SDK1: variants seen among roughly 807,000 people sequenced by gnomAD.
The protein encoded by SDK1 is protein sidekick-1.
Under a neutral mutation model 245.5 loss-of-function variants are expected in SDK1, and 157 were observed. The ratio of observed to expected loss-of-function variants is 0.64; its 90% CI spans 0.56 to 0.73. The LOEUF (loss-of-function observed/expected upper bound fraction) is 0.73, where lower values mean the gene tolerates loss of function less well. SDK1 is among the 30% of genes least tolerant of loss of function. The pLI is 0.00. For missense variants in SDK1, 3,583 were observed against 3,002.3 expected (o/e 1.19, Z -4.52); for synonymous variants, 1,647 against 1,278.5 (o/e 1.29, Z -6.15).
chr7:3,395,912 C>T (rs1781884672), intron 1 of SDK1, among the ~76,000 whole-genome samples: 1 of 151,694 alleles, frequency 6.6e-6, no homozygotes, highest in Admixed American at 6.6e-5. Context: ...TAAAGAACCA[C>T]CTTTTAATTT....
chr7:4,062,370 T>A (rs1779597948), intron 19 of SDK1, among the ~76,000 whole-genome samples: 1 of 151,862 alleles, frequency 6.6e-6, no homozygotes, highest in African/African-American at 2.4e-5. Context: ...GAGAAATGGA[T>A]AAATTCCTGA....
intron 4 of SDK1, among the ~76,000 whole-genome samples, chr7:3,686,552 G>C (rs771413977): frequency 1.4e-4 from 21 of 152,232 alleles, no homozygotes; most frequent in Non-Finnish European, 2.9e-4. Context: ...AAACAGGACA[G>C]TCAATGTGGG....
In SDK1 at chr7:4,020,915, G is replaced by T. The variant is rs140404644; in HGVS notation, c.2602+3563G>T. Reference sequence around the variant, plus strand: ...TGTGAAAAGGCTTTCAAAACAAGGAGACATCACACACATGCCAGCACTGTG... The same window carrying T: ...TGTGAAAAGGCTTTCAAAACAAGGATACATCACACACATGCCAGCACTGTG... On this transcript the variant is annotated intron_variant, in intron 17 of 44. Transcript: ENST00000404826. Among the ~76,000 whole-genome samples, 14 of 152,318 alleles carry T rather than the reference G, an allele frequency of 9.2e-5. No homozygotes were observed. The East Asian group carries it at 2.1e-3, about 23-fold the overall frequency.
intron 22 of SDK1, among the ~76,000 whole-genome samples, chr7:4,089,985 C>T (rs1292771533): frequency 1.3e-5 from 2 of 152,158 alleles, no homozygotes; most frequent in African/African-American, 4.8e-5. Flanking sequence ...CCGGTTATTT[C>T]CCTGATTCCC....
intron 5 of SDK1, among the ~76,000 whole-genome samples, chr7:3,912,776 A>T (rs555804733): frequency 1.3e-5 from 2 of 152,360 alleles, no homozygotes; most frequent in East Asian, 3.9e-4. Context: ...AAGAGGAAGG[A>T]GACCTAAGGG....
At chr7:3,447,200 AGAG>A (rs1372113193) in intron 1 of SDK1, among the ~76,000 whole-genome samples, 1 of 152,210 alleles carries the variant, frequency 6.6e-6, no homozygotes, top group African/African-American at 2.4e-5. Context: ...AACCTATATT[AGAG>A]GAGACAATAT....
intron 20 of SDK1, 129 bp downstream of exon 20, chr7:4,068,065 A>C: frequency 4.5e-6 from 3 of 662,350 alleles, no homozygotes; most frequent in Non-Finnish European, 7.7e-6. Context: ...GGAACTGAAA[A>C]GTCTTCCTGG....
intron 1 of SDK1, among the ~76,000 whole-genome samples, chr7:3,420,893 A>G (rs1168150272): frequency 6.6e-6 from 1 of 152,062 alleles, no homozygotes; most frequent in Non-Finnish European, 1.5e-5. Context: ...ATTTATCCTG[A>G]TGCTCTCTGT....
chr7:3,314,360 T>G (rs1382027497), intron 1 of SDK1, among the ~76,000 whole-genome samples: 2 of 152,194 alleles, frequency 1.3e-5, no homozygotes, highest in African/African-American at 2.4e-5. Context: ...GACCTTTACA[T>G]TCTGAATTAG....
rs573033717 is a variant in SDK1 at position 3,652,764 on chromosome 7, G to A, written c.713+10659G>A. ...AAGTTCTGATGCCACTGTAGAGAAGGCAGCTGATTGGGTTCACACAAGGTT... is the reference window on the plus strand; with the variant it reads ...AAGTTCTGATGCCACTGTAGAGAAGACAGCTGATTGGGTTCACACAAGGTT... On this transcript the variant is annotated intron_variant, in intron 4 of 44. Transcript: ENST00000404826. Among the ~76,000 whole-genome samples the A allele has an allele frequency of 2.6e-5, 4 of 152,254 alleles. No homozygotes were observed. The South Asian group carries it at 6.2e-4, about 24-fold the overall frequency.
rs557467856 is a variant in SDK1 at position 3,618,542 on chromosome 7, C to T, written c.299-538C>T. 1.5e-3 allele frequency among the ~76,000 whole-genome samples: 234 copies of T among 152,298 alleles called. 1 individual carries two copies. Among genetic ancestry groups the T allele is most frequent in the African/African-American group, 5.4e-3 (224 of 41,558 alleles). ...GCGCTGTTCCATTATGTGAATATAC[C>T]ATGAGTTTCCTGTGTTGTATCCCAT... On this transcript the variant is annotated intron_variant, in intron 1 of 44. Coordinates refer to ENST00000404826, the MANE Select transcript of SDK1 (RefSeq NM_152744.4).
rs190163862 is a variant in SDK1 at position 3,500,649 on chromosome 7, G to A, written c.299-118431G>A. Among the ~76,000 whole-genome samples the A allele has an allele frequency of 2.5e-3, 379 of 149,956 alleles. 3 individuals carry two copies. The highest frequency in any genetic ancestry group is 0.019 in the South Asian group (88 of 4,694). ...GTAGATCTCATTTTCCTTTGTGCTC[G>A]GTACTCAGTGGATTCTTTAAACTTG... On this transcript the variant is annotated intron_variant, in intron 1 of 44. Transcript: ENST00000404826.
chr7:4,114,063 G>A lies in SDK1; in HGVS notation c.3612G>A (p.Gly1204=), dbSNP rs767059209. 1 of 1,614,178 alleles carries A rather than the reference G, an allele frequency of 6.2e-7. No homozygotes were observed. Among genetic ancestry groups the A allele is most frequent in the Non-Finnish European group, 8.5e-7 (1 of 1,180,030 alleles). The change falls in exon 25 of 45, where the codon GGG becomes GGA. Residue 1204 remains glycine (G), a synonymous_variant. Transcript: ENST00000404826. ...WVPLPDSQYN[G]NPESVGYRIK... is the part of the protein sequence containing the mutation. ...CCCTGCCGGATTCTCAGTACAACGG[G>A]AACCCCGAGTCCGTGGGCTACAGGA...
At chr7:3,777,340 T>C (rs571284721) in intron 4 of SDK1, among the ~76,000 whole-genome samples, 31 of 152,372 alleles carry the variant, frequency 2.0e-4, no homozygotes, top group African/African-American at 6.5e-4. Context: ...TTTTTCCAAA[T>C]AGTTGCATGT....
chr7:3,517,813 A>G (rs1222236437), intron 1 of SDK1, among the ~76,000 whole-genome samples: 3 of 152,182 alleles, frequency 2.0e-5, no homozygotes, highest in Admixed American at 6.5e-5. Flanking sequence ...TCATCATTAC[A>G]TAAGACCATT....
At chr7:4,244,604 C>T (rs1786726276) in intron 43 of SDK1, among the ~76,000 whole-genome samples, 2 of 152,240 alleles carry the variant, frequency 1.3e-5, no homozygotes, top group African/African-American at 4.8e-5. Context: ...ACAAGTTCAG[C>T]AGCTTAAACC....
At chr7:3,752,151 C>T (rs1490703610) in intron 4 of SDK1, among the ~76,000 whole-genome samples, 1 of 152,164 alleles carries the variant, frequency 6.6e-6, no homozygotes, top group Non-Finnish European at 1.5e-5. Context: ...TCTTGCACAA[C>T]CTGATAGGTG....
intron 1 of SDK1, among the ~76,000 whole-genome samples, chr7:3,511,290 T>C (rs1782571702): frequency 6.6e-6 from 1 of 152,258 alleles, no homozygotes; most frequent in Non-Finnish European, 1.5e-5. Flanking sequence ...TTGCTTTCTT[T>C]TTAGATGCAG....
At chr7:3,721,744 G>A (rs187902834) in intron 4 of SDK1, among the ~76,000 whole-genome samples, 3 of 152,140 alleles carry the variant, frequency 2.0e-5, no homozygotes, top group Admixed American at 6.5e-5. Flanking sequence ...AGAGGAAGAG[G>A]AGATACAGGA....
Sources: allele counts gnomAD v4.1 joint callset (sites outside exome capture counted in the v4.1 genomes callset), GRCh38; gene constraint gnomAD v4.1.1; transcripts MANE v1.5; gene names NCBI Gene and HGNC (gene_info 2026-07-23, HGNC 2026-07-21).